The following IGF2BP2 variants were observed in gnomAD, a reference collection of about 807,000 sequenced individuals.
IGF2BP2 encodes the protein insulin like growth factor 2 mRNA binding protein 2.
Under a neutral mutation model 75.8 loss-of-function variants are expected in IGF2BP2, and 17 were observed. The ratio of observed to expected loss-of-function variants is 0.22; its 90% CI spans 0.15 to 0.34. IGF2BP2 has a LOEUF of 0.34. Among genes scored for constraint, IGF2BP2 ranks in the 10% least tolerant of loss-of-function variants. IGF2BP2 has a pLI of 1.00. For missense variants in IGF2BP2, 516 were observed against 772.4 expected (o/e 0.67, Z 3.93); for synonymous variants, 288 against 295.6 (o/e 0.97, Z 0.26).
At chr3:185,702,098 C>A (rs1056683002) in intron 2 of IGF2BP2, among the ~76,000 whole-genome samples, 3 of 152,152 alleles carry the variant, frequency 2.0e-5, no homozygotes, top group African/African-American at 7.2e-5. Flanking sequence ...CACTCTTCGC[C>A]ATAATTACTT....
intron 2 of IGF2BP2, among the ~76,000 whole-genome samples, chr3:185,790,365 C>T (rs144979782): frequency 7.8e-4 from 118 of 152,236 alleles, no homozygotes; most frequent in African/African-American, 2.7e-3. Flanking sequence ...CTAGATCAAA[C>T]ACTCAAAAAC....
intron 2 of IGF2BP2, among the ~76,000 whole-genome samples, chr3:185,814,587 T>C (rs955563741): frequency 5.3e-5 from 8 of 152,222 alleles, no homozygotes; most frequent in African/African-American, 1.7e-4. Flanking sequence ...ATGTCTTTCC[T>C]GGTAATTTTT....
At chr3:185,667,398 C>T (rs1307085128) in intron 10 of IGF2BP2, among the ~76,000 whole-genome samples, 1 of 152,060 alleles carries the variant, frequency 6.6e-6, no homozygotes, top group Non-Finnish European at 1.5e-5. Flanking sequence ...ATTGCTTGAG[C>T]CCAGGAATTT....
intron 2 of IGF2BP2, chr3:185,729,649 A>T (rs933319466): frequency 2.0e-5 from 3 of 152,228 alleles, no homozygotes; most frequent in African/African-American, 7.2e-5. Context: ...ATGTAACAGA[A>T]TATTAACGTT....
At chr3:185,678,128 A>C (rs944965494) in intron 7 of IGF2BP2, among the ~76,000 whole-genome samples, 1 of 152,230 alleles carries the variant, frequency 6.6e-6, no homozygotes, top group Non-Finnish European at 1.5e-5. Flanking sequence ...ACTGGGACAA[A>C]TCCACAGAAA....
intron 2 of IGF2BP2, among the ~76,000 whole-genome samples, chr3:185,704,796 C>A (rs1040166176): frequency 3.9e-5 from 6 of 151,952 alleles, no homozygotes; most frequent in Non-Finnish European, 1.5e-5. Flanking sequence ...AGACACCACA[C>A]GGGAGGATCA....
chr3:185,821,011 C>A (rs1387898259), intron 2 of IGF2BP2: 1 of 1,535,610 alleles, frequency 6.5e-7, no homozygotes, highest in Admixed American at 2.0e-5. Context: ...TGTCACAGTA[C>A]CCTGGATTTA....
At chr3:185,771,165 C>T (rs1430282678) in intron 2 of IGF2BP2, among the ~76,000 whole-genome samples, 2 of 152,146 alleles carry the variant, frequency 1.3e-5, no homozygotes, top group Non-Finnish European at 2.9e-5. Context: ...ATGGGCCAGG[C>T]ATGGTGGCTC....
rs757551786 is a variant in IGF2BP2, at chr3:185,658,399, C to T, written c.1211G>A (p.Gly404Glu). The T allele has an allele frequency of 3.1e-6, 5 of 1,613,790 alleles. No homozygotes were observed. The South Asian group carries it at 5.5e-5, about 18-fold the overall frequency. ...ATGGGGGTACAGGCTGGAGAAGTAT[C>T]CGGAGTGGGTCTGCAGCATGAGAGA... ...APYHPFTTHS[G>E]YFSSLYPHHQ... The change falls in exon 11 of 16, where the codon GGA becomes GAA. Residue 404 changes from glycine to glutamate, a missense_variant. Around this residue, in one of 3 missense-constraint regions of IGF2BP2, gnomAD observed 75 missense variants for 67.4 expected, o/e 1.11. Transcript: ENST00000382199.
chr3:185,672,794 C>T (rs1718734395), intron 9 of IGF2BP2, 125 bp from the exon 10 acceptor site: 3 of 1,044,294 alleles, frequency 2.9e-6, no homozygotes, highest in Admixed American at 4.9e-5. Context: ...CCAGGCTCTT[C>T]CTACCCTGTA....
intron 5 of IGF2BP2, among the ~76,000 whole-genome samples, chr3:185,692,183 C>T (rs924366590): frequency 2.6e-5 from 4 of 152,212 alleles, no homozygotes; most frequent in Admixed American, 2.6e-4. Context: ...CACTCTCAGA[C>T]AATTCTCTCG....
intron 2 of IGF2BP2, among the ~76,000 whole-genome samples, chr3:185,781,988 T>C (rs915122639): frequency 6.6e-6 from 1 of 152,188 alleles, no homozygotes; most frequent in African/African-American, 2.4e-5. Context: ...GGGCAGAATA[T>C]ATATATTGTT....
intron 2 of IGF2BP2, among the ~76,000 whole-genome samples, chr3:185,760,279 A>G (rs1235428115): frequency 2.2e-4 from 34 of 152,198 alleles, no homozygotes; most frequent in Admixed American, 2.2e-3. Flanking sequence ...GTCCCCTGAG[A>G]AGTGTGCATT....
intron 10 of IGF2BP2, among the ~76,000 whole-genome samples, chr3:185,662,330 T>C (rs963220558): frequency 1.3e-5 from 2 of 151,538 alleles, no homozygotes; most frequent in African/African-American, 4.8e-5. Flanking sequence ...ATACAAAAAT[T>C]AGCCAGGCAT....
intron 2 of IGF2BP2, among the ~76,000 whole-genome samples, chr3:185,720,769 T>G (rs1177585771): frequency 6.6e-6 from 1 of 152,194 alleles, no homozygotes; most frequent in African/African-American, 2.4e-5. Flanking sequence ...TTTTGCAGAT[T>G]AGGAAACTGA....
intron 2 of IGF2BP2, among the ~76,000 whole-genome samples, chr3:185,760,320 G>GT (rs902468125): frequency 8.6e-5 from 13 of 151,256 alleles, no homozygotes; most frequent in Admixed American, 1.3e-4. Flanking sequence ...AGACTCATCA[G>GT]TTTTTTTTTC....
intron 2 of IGF2BP2, among the ~76,000 whole-genome samples, chr3:185,707,045 C>G (rs1724122160): frequency 6.6e-6 from 1 of 151,762 alleles, no homozygotes; most frequent in Non-Finnish European, 1.5e-5. Context: ...CCCAGAGATT[C>G]AGTATTTTAG....
At chr3:185,733,057 A>G (rs1365227628) in intron 2 of IGF2BP2, among the ~76,000 whole-genome samples, 2 of 152,052 alleles carry the variant, frequency 1.3e-5, no homozygotes, top group Non-Finnish European at 1.5e-5. Flanking sequence ...CACCCTATTC[A>G]TCTAGGAACT....
intron 4 of IGF2BP2, among the ~76,000 whole-genome samples, chr3:185,695,342 T>C (rs140268741): frequency 6.6e-6 from 1 of 152,320 alleles, no homozygotes; most frequent in East Asian, 1.9e-4. Context: ...CCCTTCAGCT[T>C]ACGTATGACT....
Sources: allele counts gnomAD v4.1 joint callset (sites outside exome capture counted in the v4.1 genomes callset), GRCh38; gene constraint gnomAD v4.1.1; regional missense constraint gnomAD v4.1.1; transcripts MANE v1.5; gene names NCBI Gene and HGNC (gene_info 2026-07-23, HGNC 2026-07-21).